The following RORB variants were observed in gnomAD, a reference collection of about 807,000 sequenced individuals.
RORB encodes the protein RAR related orphan receptor B, also known as nuclear receptor ROR-beta.
A neutral mutation model predicts 59.1 loss-of-function variants in RORB; 6 were observed. That is an observed-to-expected ratio of 0.10 (90% CI 0.06 to 0.20). The LOEUF is 0.20. RORB is among the 10% of genes least tolerant of loss of function. RORB has a pLI of 1.00. For synonymous variants in RORB, 215 were observed against 204.5 expected, an observed-to-expected ratio of 1.05 and a Z score of -0.44; for missense variants, 320 against 560.5, an observed-to-expected ratio of 0.57 and a Z score of 4.33.
At chr9:74,646,836 G>A (rs925158778) in intron 4 of RORB, among the ~76,000 whole-genome samples, 1 of 152,080 alleles carries the variant, frequency 6.6e-6, no homozygotes, top group African/African-American at 2.4e-5. Flanking sequence ...AAATAGTCAC[G>A]ACAATTCACC....
Position 74,497,662 on chromosome 9 carries a change from AAAAG to A in RORB, c.-311_-308del. The A allele has an allele frequency of 2.2e-6, 1 of 458,960 alleles. No individual in the cohort carries two copies. The highest frequency in any genetic ancestry group is 4.3e-5 in the South Asian group (1 of 23,316). 28.4% of individuals were successfully genotyped at this position (458,960 alleles called of 1,614,324 possible). A position where few individuals can be genotyped will look rare whatever the true frequency, so the allele number is the denominator to read the frequency against. On this transcript the variant is annotated 5_prime_UTR_variant, in exon 1 of 10. Transcript: ENST00000376896. Reference sequence around the variant, plus strand: ...AAAGCAAGCACATTGGAGAGAAAGAAAAAGAAAAACAAAACCAAAACAAAACCCA... The same window carrying A: ...AAAGCAAGCACATTGGAGAGAAAGAAAAAAACAAAACCAAAACAAAACCCA...
chr9:74,578,768 A>G (rs1055441373), intron 1 of RORB, among the ~76,000 whole-genome samples: 1 of 152,098 alleles, frequency 6.6e-6, no homozygotes, highest in South Asian at 2.1e-4. Context: ...CACTGTTTCT[A>G]TATGAAGTAT....
intron 1 of RORB, among the ~76,000 whole-genome samples, chr9:74,531,642 A>G (rs1826240472): frequency 6.6e-6 from 1 of 152,028 alleles, no homozygotes; most frequent in Non-Finnish European, 1.5e-5. Context: ...TAGAATGACA[A>G]TCAAGTTTTA....
At position 74,686,757 on chromosome 9, in the gene RORB, G is replaced by A. The variant is rs1473881145; in HGVS notation, c.*1139G>A. On this transcript the variant is annotated 3_prime_UTR_variant, in exon 10 of 10. Transcript: ENST00000376896. ...AAAAGGTAGAAAGAGAAGACCCAGA[G>A]TGAAGAAGTAATTCTTTATATTCCT... The A allele has an allele frequency of 6.6e-6, 1 of 152,556 alleles. No individual in the cohort carries two copies. The allele number at this position is 152,556 out of a possible 1,614,324, so 9.5% of individuals were successfully genotyped here.
intron 1 of RORB, among the ~76,000 whole-genome samples, chr9:74,553,409 C>T (rs1296601956): frequency 2.0e-5 from 3 of 151,934 alleles, no homozygotes; most frequent in Non-Finnish European, 2.9e-5. Context: ...TTTTGAGACC[C>T]GGAGTAGTAA....
Position 74,686,363 on chromosome 9 carries a change from C to A in RORB, c.*745C>A, listed in dbSNP as rs1166346099. 4 of 152,580 alleles carry A rather than the reference C, an allele frequency of 2.6e-5. No homozygotes were observed. The highest frequency in any genetic ancestry group is 7.2e-5 in the African/African-American group (3 of 41,444). The allele number at this position is 152,580 out of a possible 1,614,324, so 9.5% of individuals were successfully genotyped here. A position where few individuals can be genotyped will look rare whatever the true frequency, so the allele number is the denominator to read the frequency against. The stretch of plus-strand genomic sequence containing the variant: ...AATGTGTGGCCTCTATATACAAACT[C>A]TATTTCTGTCAATGACATCAAAGCC... On this transcript the variant is annotated 3_prime_UTR_variant, in exon 10 of 10. Coordinates refer to ENST00000376896, the MANE Select transcript of RORB (RefSeq NM_006914.4).
chr9:74,643,365 G>A (rs975819824), intron 4 of RORB, among the ~76,000 whole-genome samples: 1 of 152,198 alleles, frequency 6.6e-6, no homozygotes, highest in Non-Finnish European at 1.5e-5. Flanking sequence ...CTGAATTACA[G>A]CAATGAAAAG....
chr9:74,612,889 T>C (rs1199474594), intron 1 of RORB, among the ~76,000 whole-genome samples: 1 of 152,218 alleles, frequency 6.6e-6, no homozygotes, highest in East Asian at 1.9e-4. Context: ...TTCTTACTTA[T>C]CCTCATTACC....
chr9:74,509,425 CCTCA>C (rs1825906323), intron 1 of RORB, among the ~76,000 whole-genome samples: 1 of 151,526 alleles, frequency 6.6e-6, no homozygotes, highest in South Asian at 2.1e-4. Context: ...GGATTTTTTT[CCTCA>C]CTAAGAATCT....
chr9:74,585,784 A>ATATTTATTTATTTATTTATT (rs60816499), intron 1 of RORB, among the ~76,000 whole-genome samples: 44,213 of 144,816 alleles, frequency 0.31, 7,632 homozygotes, highest in South Asian at 0.39. Context: ...TTCACAGGGG[A>ATATTTATTTATTTATTTATT]TATTTATTTA....
At chr9:74,633,233 T>C (rs1823648901) in intron 2 of RORB, among the ~76,000 whole-genome samples, 2 of 152,190 alleles carry the variant, frequency 1.3e-5, no homozygotes, top group Admixed American at 1.3e-4. Context: ...ATTTTCTAAT[T>C]ACAAAAATTT....
At chr9:74,627,827 G>C (rs1456579264) in intron 1 of RORB, among the ~76,000 whole-genome samples, 1 of 151,614 alleles carries the variant, frequency 6.6e-6, no homozygotes, top group African/African-American at 2.4e-5. Flanking sequence ...CAAATGACTT[G>C]CTGTGTCATT....
At chr9:74,535,078 C>A (rs1198494816) in intron 1 of RORB, among the ~76,000 whole-genome samples, 2 of 152,040 alleles carry the variant, frequency 1.3e-5, no homozygotes. Context: ...CAATTTGGAG[C>A]CCTGGAGAAC....
chr9:74,546,028 T>C (rs576643287), intron 1 of RORB, among the ~76,000 whole-genome samples: 2 of 152,340 alleles, frequency 1.3e-5, no homozygotes, highest in South Asian at 2.1e-4. Context: ...ATACTAATGA[T>C]AGTTTTTATA....
rs77658775 is a variant in RORB at position 74,676,076 on chromosome 9, G to A, written c.1224+4175G>A. 3.3e-3 allele frequency among the ~76,000 whole-genome samples: 496 copies of A among 152,288 alleles called. 2 individuals are homozygous for A. The highest frequency in any genetic ancestry group is 9.9e-3 in the African/African-American group (411 of 41,556). ...GGCCAAGTTGTGGCAGTGTGCTCAC[G>A]GCCAAGACCAAAGCTTGGATCTGTA... On this transcript the variant is annotated intron_variant, in intron 9 of 9. Transcript: ENST00000376896.
chr9:74,505,256 C>T (rs1029006906), intron 1 of RORB, among the ~76,000 whole-genome samples: 14 of 151,976 alleles, frequency 9.2e-5, no homozygotes, highest in African/African-American at 3.4e-4. Context: ...ACCAGCTAAG[C>T]TTGATTCTCA....
intron 8 of RORB, among the ~76,000 whole-genome samples, chr9:74,670,545 G>A (rs1055282504): frequency 2.0e-5 from 3 of 152,152 alleles, no homozygotes; most frequent in Non-Finnish European, 4.4e-5. Flanking sequence ...AAGTTTGGAA[G>A]CATGCAATTT....
At chr9:74,640,483 C>T (rs35267920) in intron 3 of RORB, among the ~76,000 whole-genome samples, 11,040 of 152,014 alleles carry the variant, frequency 0.073, 539 homozygotes, top group African/African-American at 0.13. Flanking sequence ...CAGGGTTTCA[C>T]CACGTTAGCC....
chr9:74,572,881 G>A (rs916183627), intron 1 of RORB, among the ~76,000 whole-genome samples: 4 of 152,144 alleles, frequency 2.6e-5, no homozygotes, highest in Non-Finnish European at 5.9e-5. Flanking sequence ...GGCACAAAGG[G>A]TAAGAATGTG....
Sources: gnomAD v4.1 joint callset for allele counts (sites outside exome capture counted in the v4.1 genomes callset) on GRCh38, gnomAD v4.1.1 for gene constraint, MANE v1.5 for transcripts, NCBI Gene and HGNC (gene_info 2026-07-23, HGNC 2026-07-21) for gene names.